GRM8: variants seen among roughly 807,000 people sequenced by gnomAD.
The protein encoded by GRM8 is glutamate metabotropic receptor 8, also known as metabotropic glutamate receptor 8.
Under a neutral mutation model 87.2 loss-of-function variants are expected in GRM8, and 47 were observed. The observed-to-expected ratio is 0.54, with a 90% confidence interval of 0.43 to 0.69. The LOEUF (loss-of-function observed/expected upper bound fraction) is 0.69. Among genes scored for constraint, GRM8 ranks in the 30% least tolerant of loss-of-function variants. GRM8 has a pLI of 0.00. For missense variants in GRM8, 1,019 were observed against 1,139.2 expected (o/e 0.89, Z 1.52); for synonymous variants, 396 against 404.5 (o/e 0.98, Z 0.25).
At chr7:126,457,605 T>C (rs957375539) in intron 9 of GRM8, among the ~76,000 whole-genome samples, 3 of 151,286 alleles carry the variant, frequency 2.0e-5, no homozygotes, top group Non-Finnish European at 4.4e-5. Flanking sequence ...AAATCACTCA[T>C]AAGTCAAAAG....
chr7:126,999,030 A>T (rs1451388931), intron 3 of GRM8, among the ~76,000 whole-genome samples: 1 of 151,974 alleles, frequency 6.6e-6, no homozygotes, highest in Non-Finnish European at 1.5e-5. Context: ...ATAACAAATA[A>T]AACAGCAGGG....
chr7:127,066,589 T>C (rs1333018535), intron 3 of GRM8, among the ~76,000 whole-genome samples: 2 of 152,194 alleles, frequency 1.3e-5, no homozygotes, highest in Non-Finnish European at 2.9e-5. Flanking sequence ...ATAGAATGTA[T>C]AGTGATGAGA....
intron 6 of GRM8, among the ~76,000 whole-genome samples, chr7:126,841,327 T>C (rs539691095): frequency 6.6e-6 from 1 of 152,272 alleles, no homozygotes; most frequent in African/African-American, 2.4e-5. Flanking sequence ...CAGCTTTACC[T>C]ACATTTCTGC....
chr7:126,821,675 A>G (rs1794315329), intron 6 of GRM8, among the ~76,000 whole-genome samples: 1 of 152,178 alleles, frequency 6.6e-6, no homozygotes, highest in Admixed American at 6.5e-5. Context: ...GATTTAAAGA[A>G]AAGTTTCCAG....
chr7:126,978,090 C>T (rs532908194), intron 3 of GRM8, among the ~76,000 whole-genome samples: 23 of 151,514 alleles, frequency 1.5e-4, no homozygotes, highest in African/African-American at 5.6e-4. Context: ...TTTTAGTCTA[C>T]AGAAAGGTTA....
intron 6 of GRM8, among the ~76,000 whole-genome samples, chr7:126,796,661 C>G (rs147396582): frequency 6.6e-6 from 1 of 152,152 alleles, no homozygotes; most frequent in Non-Finnish European, 1.5e-5. Flanking sequence ...TCACAGTGTG[C>G]CCATTCCTCC....
chr7:126,624,628 C>G (rs1266564907), intron 7 of GRM8, among the ~76,000 whole-genome samples: 2 of 152,204 alleles, frequency 1.3e-5, no homozygotes, highest in Non-Finnish European at 2.9e-5. Context: ...ATAGCTCAGA[C>G]TATTGGATGA....
intron 6 of GRM8, among the ~76,000 whole-genome samples, chr7:126,773,503 TTAATA>T (rs1387942606): frequency 1.3e-5 from 2 of 152,208 alleles, no homozygotes; most frequent in African/African-American, 4.8e-5. Context: ...TGTTCTTGAT[TTAATA>T]TATTATCATT....
At chr7:126,511,860 G>GA (rs1488574805) in intron 9 of GRM8, 2 of 152,112 alleles carry the variant, frequency 1.3e-5, no homozygotes, top group Non-Finnish European at 2.9e-5. Flanking sequence ...AAAGGCCAAA[G>GA]AAAAAATAAA....
At chr7:127,157,161 G>A (rs771543478) in intron 2 of GRM8, among the ~76,000 whole-genome samples, 1 of 151,184 alleles carries the variant, frequency 6.6e-6, no homozygotes, top group Non-Finnish European at 1.5e-5. Flanking sequence ...GAGGAAGGGA[G>A]AGAGGGAGGG....
chr7:126,814,492 G>A (rs1445143205), intron 6 of GRM8, among the ~76,000 whole-genome samples: 1 of 152,050 alleles, frequency 6.6e-6, no homozygotes, highest in Non-Finnish European at 1.5e-5. Context: ...AATTCTTAGA[G>A]ATATTATAGA....
rs540027733 is a variant in GRM8, at chr7:126,554,300, C to T, written c.1495-20413G>A. Among the ~76,000 whole-genome samples the T allele has an allele frequency of 4.6e-5, 7 of 151,826 alleles. No homozygotes were observed. The South Asian group carries it at 1.5e-3, about 32-fold the overall frequency. On this transcript the variant is annotated intron_variant, in intron 8 of 10. Transcript: ENST00000339582. Reference sequence around the variant, plus strand: ...TCAAGCAAAAGGGTAATAAGGGAGGCCAGGTGCAGTGGCTCATGCCTGTAA... The same window carrying T: ...TCAAGCAAAAGGGTAATAAGGGAGGTCAGGTGCAGTGGCTCATGCCTGTAA...
chr7:126,514,925 A>G (rs1162614680), intron 9 of GRM8, among the ~76,000 whole-genome samples: 1 of 152,032 alleles, frequency 6.6e-6, no homozygotes, highest in Non-Finnish European at 1.5e-5. Context: ...AGCAAACTCA[A>G]CTTGTATTGT....
intron 9 of GRM8, among the ~76,000 whole-genome samples, chr7:126,480,904 C>T (rs1419521): frequency 0.8 from 120,853 of 151,876 alleles, 48,191 homozygotes; most frequent in Middle Eastern, 0.88. Flanking sequence ...TAGAAGACAT[C>T]GATCCCAGGG....
intron 3 of GRM8, among the ~76,000 whole-genome samples, chr7:127,025,284 T>C (rs1455619785): frequency 6.6e-6 from 1 of 152,106 alleles, no homozygotes; most frequent in East Asian, 1.9e-4. Flanking sequence ...ACACTTCTTT[T>C]CATAATCTCC....
At chr7:126,799,448 A>T (rs1391098106) in intron 6 of GRM8, among the ~76,000 whole-genome samples, 1 of 152,164 alleles carries the variant, frequency 6.6e-6, no homozygotes, top group Non-Finnish European at 1.5e-5. Flanking sequence ...AGCAGCAATC[A>T]TTTAAAATAC....
chr7:126,568,706 A>G (rs1794448958), intron 8 of GRM8, among the ~76,000 whole-genome samples: 1 of 152,200 alleles, frequency 6.6e-6, no homozygotes, highest in Admixed American at 6.6e-5. Context: ...AAGTTTAAAA[A>G]TATTGATCAA....
intron 6 of GRM8, among the ~76,000 whole-genome samples, chr7:126,847,785 G>C (rs979015545): frequency 3.3e-5 from 5 of 152,162 alleles, no homozygotes; most frequent in African/African-American, 1.2e-4. Context: ...GATTCAAGGG[G>C]AGAGAATATG....
At position 127,026,161 on chromosome 7, in the gene GRM8, G is replaced by A. The variant is rs183029232; in HGVS notation, c.727+80335C>T. On this transcript the variant is annotated intron_variant, in intron 3 of 10. Transcript: ENST00000339582. Reference sequence around the variant, plus strand: ...ATGGTTTCCAGCTACATCCATGTCCGTGCAAAGGACACAAACTCATCCTTT... The same window carrying A: ...ATGGTTTCCAGCTACATCCATGTCCATGCAAAGGACACAAACTCATCCTTT... 1.7e-4 allele frequency among the ~76,000 whole-genome samples: 26 copies of A among 152,080 alleles called. No individual in the cohort carries two copies. The East Asian group carries it at 2.3e-3, about 14-fold the overall frequency.
Sources: gnomAD v4.1 joint callset for allele counts (sites outside exome capture counted in the v4.1 genomes callset) on GRCh38, gnomAD v4.1.1 for gene constraint, MANE v1.5 for transcripts, NCBI Gene and HGNC (gene_info 2026-07-23, HGNC 2026-07-21) for gene names.